Variants in C16orf96 observed in about 807,000 individuals in gnomAD.
C16orf96 encodes chromosome 16 open reading frame 96.
A neutral mutation model predicts 103.6 loss-of-function variants in C16orf96; 108 were observed. The ratio of observed to expected loss-of-function variants is 1.04; its 90% CI spans 0.89 to 1.22. C16orf96 has a LOEUF of 1.22. Ranked by LOEUF, C16orf96 falls within the 50% of genes most tolerant of loss-of-function variation. The pLI, the probability that C16orf96 is intolerant of heterozygous loss-of-function variation, is 0.00. For missense variants in C16orf96, 1,586 were observed against 1,464.2 expected (o/e 1.08, Z -1.36); for synonymous variants, 566 against 593.5 (o/e 0.95, Z 0.67).
Position 4,576,178 on chromosome 16 carries a change from C to T in C16orf96, c.1698C>T (p.Thr566=). The T allele has an allele frequency of 6.4e-7, 1 of 1,550,672 alleles. No individual in the cohort carries two copies. The highest frequency in any genetic ancestry group is 1.2e-5 in the South Asian group (1 of 84,068). ...AGTCTGCCCTTCACCGGCTGAAAAC[C>T]ACCGCTGCCATCGCCGCCGCTGCCG... ...APQSALHRLK[T]TAAIAAAAAA... The change falls in exon 5 of 16, where the codon ACC becomes ACT. Residue 566 remains threonine, a synonymous_variant. Transcript: ENST00000444310.
At chr16:4,560,636 G>C (rs2059320013) in intron 1 of C16orf96, 1 of 151,964 alleles carries the variant, frequency 6.6e-6, no homozygotes. Context: ...GTTTGCAAGA[G>C]ACACATTTAA....
At chr16:4,572,363 G>A (rs187740676) in intron 2 of C16orf96, among the ~76,000 whole-genome samples, 2 of 135,058 alleles carry the variant, frequency 1.5e-5, no homozygotes, top group African/African-American at 2.7e-5. Context: ...GTAGTGGCTC[G>A]ATCTTGACTC....
At chr16:4,539,986 G>T in the C16orf96 span, among the ~76,000 whole-genome samples, 1 of 152,090 alleles carries the variant, frequency 6.6e-6, no homozygotes, top group South Asian at 2.1e-4. Context: ...AAAACTCTAG[G>T]CTCTGAATTT....
intron 1 of C16orf96, among the ~76,000 whole-genome samples, chr16:4,558,904 A>T: frequency 8.0e-6 from 1 of 124,340 alleles, no homozygotes; most frequent in African/African-American, 3.3e-5. Flanking sequence ...ACAGAGCGAG[A>T]CTCTGTCTCA....
intron 14 of C16orf96, 24 bp from the exon 15 acceptor site, chr16:4,599,260 C>A: frequency 6.5e-7 from 1 of 1,549,142 alleles, no homozygotes; most frequent in Non-Finnish European, 8.7e-7. Context: ...CCACCCACAC[C>A]TGTCTCTTTT....
chr16:4,566,714 G>A (rs1391489507), intron 1 of C16orf96, among the ~76,000 whole-genome samples: 3 of 151,842 alleles, frequency 2.0e-5, no homozygotes, highest in South Asian at 2.1e-4. Flanking sequence ...AGGTTTACTC[G>A]GATTGTCTAT....
chr16:4,568,541 C>T (rs1022106567), intron 1 of C16orf96, among the ~76,000 whole-genome samples: 2 of 152,108 alleles, frequency 1.3e-5, no homozygotes, highest in Non-Finnish European at 2.9e-5. Flanking sequence ...CATCCTTCCA[C>T]TGCAGCTACC....
the C16orf96 span, among the ~76,000 whole-genome samples, chr16:4,547,689 C>CTTCCTTCCTTCTTTCTTTCTTTCTTTCT: frequency 7.1e-4 from 16 of 22,560 alleles, no homozygotes; most frequent in East Asian, 9.9e-3. Context: ...TCCTTCCTTC[C>CTTCCTTCCTTCTTTCTTTCTTTCTTTCT]TTCTTTCTTT....
At chr16:4,592,184 G>T in intron 10 of C16orf96, 121 bp from the exon 11 acceptor site, 1 of 1,209,022 alleles carries the variant, frequency 8.3e-7, no homozygotes, top group Non-Finnish European at 1.2e-6. Flanking sequence ...AGGGCCTGTG[G>T]GGCTGAGCTG....
chr16:4,583,880 G>A (rs995949020), intron 7 of C16orf96, among the ~76,000 whole-genome samples: 4 of 128,260 alleles, frequency 3.1e-5, no homozygotes, highest in Non-Finnish European at 3.1e-5. Context: ...AGCCAAGATC[G>A]CACCACTGCA....
chr16:4,586,941 A>C, intron 7 of C16orf96, 98 bp from the exon 8 acceptor site: 1 of 1,125,588 alleles, frequency 8.9e-7, no homozygotes, highest in Non-Finnish European at 1.3e-6. Flanking sequence ...ACGGCCTGCT[A>C]TCCCTCCCCA....
chr16:4,571,065 G>T (rs953871019), intron 1 of C16orf96, among the ~76,000 whole-genome samples: 1 of 152,046 alleles, frequency 6.6e-6, no homozygotes, highest in Non-Finnish European at 1.5e-5. Context: ...GCACACCTGC[G>T]GTCTCAGCTA....
intron 1 of C16orf96, among the ~76,000 whole-genome samples, chr16:4,567,649 A>C (rs1315667033): frequency 7.2e-6 from 1 of 139,312 alleles, no homozygotes; most frequent in Admixed American, 7.2e-5. Context: ...ATGTTTTTTA[A>C]ATTTTTACAT....
intron 14 of C16orf96, among the ~76,000 whole-genome samples, chr16:4,595,044 G>T (rs554096471): frequency 6.6e-6 from 1 of 152,326 alleles, no homozygotes; most frequent in Non-Finnish European, 1.5e-5. Flanking sequence ...CCAGAGAGAG[G>T]GCCGTGGCCA....
intron 9 of C16orf96, among the ~76,000 whole-genome samples, chr16:4,590,143 G>C (rs1004891014): frequency 1.1e-4 from 16 of 150,180 alleles, no homozygotes; most frequent in African/African-American, 3.9e-4. Context: ...TACTCCCTCG[G>C]GTGGCACAGT....
chr16:4,575,075 G>C lies in C16orf96; in HGVS notation c.693+17G>C. 2 of 1,551,216 alleles carry C rather than the reference G, an allele frequency of 1.3e-6. No homozygotes were observed. The highest frequency in any genetic ancestry group is 1.7e-6 in the Non-Finnish European group (2 of 1,146,980). ...TTCACCTCAGTGAGTGAGGAAGGAA[G>C]GGGAGGTTAGCAGGAAGCTGGGGAG... On this transcript the variant is annotated intron_variant, in intron 4 of 15. Transcript: ENST00000444310.
rs567999998 is a variant in C16orf96 at position 4,591,416 on chromosome 16, A to G, written c.2593-250A>G. 1.6e-4 allele frequency among the ~76,000 whole-genome samples: 24 copies of G among 152,166 alleles called. No individual in the cohort carries two copies. In the Middle Eastern group the frequency reaches 0.017, roughly 108 times the overall value. ...TGGTTTGATTTGGTCTTTTGCAGACAGTAGCTGATGGTGTTTTTTGCTTCT... is the reference window on the plus strand; with the variant it reads ...TGGTTTGATTTGGTCTTTTGCAGACGGTAGCTGATGGTGTTTTTTGCTTCT... On this transcript the variant is annotated intron_variant, in intron 9 of 15. Transcript: ENST00000444310.
upstream of C16orf96, among the ~76,000 whole-genome samples, chr16:4,553,310 A>G (rs1320047855): frequency 6.6e-6 from 1 of 152,028 alleles, no homozygotes; most frequent in Admixed American, 6.6e-5. Flanking sequence ...GTTTTCCTGG[A>G]CTCTTGCTCC....
At chr16:4,579,735 C>G (rs961578558) in intron 6 of C16orf96, among the ~76,000 whole-genome samples, 2 of 151,980 alleles carry the variant, frequency 1.3e-5, no homozygotes, top group African/African-American at 4.8e-5. Context: ...CCTCAGCCTC[C>G]CTAGTAGCTG....
Sources: allele counts gnomAD v4.1 joint callset (sites outside exome capture counted in the v4.1 genomes callset), GRCh38; gene constraint gnomAD v4.1.1; transcripts MANE v1.5; gene names NCBI Gene and HGNC (gene_info 2026-07-23, HGNC 2026-07-21).